DNM1L: variants seen among roughly 807,000 people sequenced by gnomAD.
DNM1L encodes the protein dynamin 1L, also known as dynamin-1-like protein.
In DNM1L, 33 loss-of-function variants were observed where a neutral mutation model predicts 92.8. The ratio of observed to expected loss-of-function variants is 0.36; its 90% confidence interval spans 0.27 to 0.48. DNM1L has a LOEUF of 0.48. Among genes scored for constraint, DNM1L ranks in the 20% least tolerant of loss-of-function variants. The pLI is 0.99. For synonymous variants in DNM1L, 284 were observed against 305.0 expected (o/e 0.93, Z 0.72); for missense variants, 485 against 888.8 (o/e 0.55, Z 5.78).
chr12:32,684,182 C>T (rs1412158675), intron 1 of DNM1L, among the ~76,000 whole-genome samples: 1 of 152,192 alleles, frequency 6.6e-6, no homozygotes, highest in African/African-American at 2.4e-5. Flanking sequence ...CATAAGCAGT[C>T]ACCCCCGTTT....
intron 14 of DNM1L, chr12:32,737,365 CTTAAAAG>C: frequency 1.8e-6 from 1 of 544,368 alleles, no homozygotes; most frequent in Non-Finnish European, 3.2e-6. Flanking sequence ...GACATAAATG[CTTAAAAG>C]TAGATTTAAG....
intron 15 of DNM1L, 145 bp from the exon 16 acceptor site, chr12:32,738,119 G>A: frequency 9.0e-7 from 1 of 1,105,296 alleles, no homozygotes; most frequent in Non-Finnish European, 1.3e-6. Context: ...AGTTTATATT[G>A]TTGACATGCT....
intron 9 of DNM1L, among the ~76,000 whole-genome samples, chr12:32,723,390 CT>C (rs1329159422): frequency 6.6e-6 from 1 of 152,034 alleles, no homozygotes; most frequent in Non-Finnish European, 1.5e-5. Flanking sequence ...ATTTTGCTAC[CT>C]CAGTTCGTTA....
chr12:32,693,613 C>T (rs749475151), intron 1 of DNM1L, among the ~76,000 whole-genome samples: 64 of 152,012 alleles, frequency 4.2e-4, no homozygotes, highest in Admixed American at 3.3e-4. Context: ...TTTATAGAGT[C>T]GCACAACCAT....
chr12:32,679,684 AG>A (rs1951729352), intron 1 of DNM1L: 2 of 1,248,816 alleles, frequency 1.6e-6, no homozygotes, highest in Non-Finnish European at 2.0e-6. Context: ...GGGCCCGGCC[AG>A]GGGCGGAGCC....
chr12:32,684,066 C>A (rs7298030), intron 1 of DNM1L, among the ~76,000 whole-genome samples: 28,332 of 152,110 alleles, frequency 0.19, 3,133 homozygotes, highest in African/African-American at 0.32. Context: ...AAAATTCACC[C>A]TTATAAAGTA....
chr12:32,726,371 T>C, intron 9 of DNM1L: 5 of 1,572,568 alleles, frequency 3.2e-6, no homozygotes, highest in Non-Finnish European at 3.5e-6. Flanking sequence ...AGGCCACATA[T>C]ATCCTGCTTC....
intron 5 of DNM1L, chr12:32,711,314 C>T (rs762891233): frequency 2.1e-5 from 7 of 331,630 alleles, no homozygotes; most frequent in Non-Finnish European, 4.0e-5. Context: ...CTCGTTTTCT[C>T]TAGGTACACT....
chr12:32,685,411 A>G (rs117786504), intron 1 of DNM1L, among the ~76,000 whole-genome samples: 323 of 127,032 alleles, frequency 2.5e-3, no homozygotes, highest in Middle Eastern at 6.6e-3. Flanking sequence ...CCCAGACTGG[A>G]GTGCTGTGGC....
chr12:32,731,328 A>G lies in DNM1L; in HGVS notation c.1201-28A>G, dbSNP rs748578372. The G allele has an allele frequency of 3.8e-5, 62 of 1,613,658 alleles. No individual in the cohort carries two copies. Among genetic ancestry groups the G allele is most frequent in the Non-Finnish European group, 5.2e-5 (61 of 1,179,774 alleles). ...GGGAAGAACTGAAATTACATATATA[A>G]TAAGAGTTCTAAGTTTTATTTTCTC... On this transcript the variant is annotated intron_variant, in intron 10 of 19. Transcript: ENST00000549701. This position sits in a 1 kb window ranked among gnomAD's most constrained non-coding sequence, Gnocchi z 5.1.
intron 7 of DNM1L, among the ~76,000 whole-genome samples, chr12:32,719,216 C>T (rs1328427365): frequency 6.6e-6 from 1 of 152,134 alleles, no homozygotes; most frequent in Non-Finnish European, 1.5e-5. Flanking sequence ...TTCCCAGGTG[C>T]TGGGATTACA....
intron 1 of DNM1L, among the ~76,000 whole-genome samples, chr12:32,697,499 GTAT>G (rs1168078698): frequency 6.6e-6 from 1 of 152,206 alleles, no homozygotes; most frequent in Non-Finnish European, 1.5e-5. Context: ...CGTGGTGGTA[GTAT>G]TGGTGTTATT....
intron 13 of DNM1L, among the ~76,000 whole-genome samples, chr12:32,736,359 G>A (rs919730079): frequency 1.3e-5 from 2 of 152,242 alleles, no homozygotes; most frequent in Middle Eastern, 3.4e-3. Flanking sequence ...ATGAGGCACT[G>A]TGCCCGGCCA....
At chr12:32,679,992 G>A in intron 1 of DNM1L, 2 of 985,478 alleles carry the variant, frequency 2.0e-6, no homozygotes, top group Non-Finnish European at 2.4e-6. Flanking sequence ...GCTACGGTGC[G>A]TGAGCGCCAG....
chr12:32,695,953 C>T (rs191649862), intron 1 of DNM1L, among the ~76,000 whole-genome samples: 5 of 152,146 alleles, frequency 3.3e-5, no homozygotes, highest in African/African-American at 7.2e-5. Context: ...GAAATTGACA[C>T]GTTGGAAACA....
At position 32,731,221 on chromosome 12, in the gene DNM1L, A is replaced by T. The variant is rs1954533814; in HGVS notation, c.1200+87A>T. 5 of 1,595,124 alleles carry T rather than the reference A, an allele frequency of 3.1e-6. No homozygotes were observed. Among genetic ancestry groups the T allele is most frequent in the Non-Finnish European group, 4.3e-6 (5 of 1,168,594 alleles). ...ATACTGTGTCTTTTTAAATTTAATT[A>T]TACAGTTTATTTTGCTCTCATATTT... On this transcript the variant is annotated intron_variant, in intron 10 of 19. Transcript: ENST00000549701. The surrounding 1 kb of genome is among the most constrained non-coding windows in gnomAD (Gnocchi z 5.1).
intron 16 of DNM1L, among the ~76,000 whole-genome samples, chr12:32,739,653 AGT>A (rs1275128236): frequency 9.9e-5 from 15 of 152,250 alleles, no homozygotes; most frequent in Non-Finnish European, 5.9e-5. Context: ...AGAGTTTAAC[AGT>A]GTTAATGATT....
intron 1 of DNM1L, among the ~76,000 whole-genome samples, chr12:32,682,374 C>T (rs540931160): frequency 6.6e-6 from 1 of 152,200 alleles, no homozygotes; most frequent in East Asian, 1.9e-4. Flanking sequence ...TCAGGTGATC[C>T]ACCCGTCTCG....
intron 9 of DNM1L, chr12:32,729,088 G>GT (rs138532554): frequency 0.067 from 10,033 of 150,048 alleles, 331 homozygotes; most frequent in African/African-American, 0.09. Context: ...ACTGTGCCCA[G>GT]TCCCCCTTTT....
Sources: allele counts gnomAD v4.1 joint callset (sites outside exome capture counted in the v4.1 genomes callset), GRCh38; gene constraint gnomAD v4.1.1; non-coding constraint Gnocchi (gnomAD v3.1); transcripts MANE v1.5; gene names NCBI Gene and HGNC (gene_info 2026-07-23, HGNC 2026-07-21).